The following SLC24A3 variants were observed in gnomAD, a reference collection of about 807,000 sequenced individuals.
SLC24A3 encodes the protein sodium/potassium/calcium exchanger 3.
Under a neutral mutation model 75.8 loss-of-function variants are expected in SLC24A3, and 28 were observed. The ratio of observed to expected loss-of-function variants is 0.37; its 90% confidence interval spans 0.27 to 0.51. The LOEUF (loss-of-function observed/expected upper bound fraction) is 0.51. SLC24A3 is among the 20% of genes least tolerant of loss of function. SLC24A3 has a pLI of 0.94. For missense variants in SLC24A3, 663 were observed against 847.8 expected, an observed-to-expected ratio of 0.78 and a Z score of 2.71; for synonymous variants, 372 against 334.1, an observed-to-expected ratio of 1.11 and a Z score of -1.24.
chr20:19,571,317 C>T (rs2031048370), intron 3 of SLC24A3, among the ~76,000 whole-genome samples: 1 of 152,132 alleles, frequency 6.6e-6, no homozygotes, highest in South Asian at 2.1e-4. Context: ...AGCCTTCATT[C>T]AGAGGGTTTC....
chr20:19,573,186 G>A (rs778768244), intron 3 of SLC24A3, among the ~76,000 whole-genome samples: 11 of 152,176 alleles, frequency 7.2e-5, no homozygotes, highest in Non-Finnish European at 1.6e-4. Context: ...CAGGGTTAAC[G>A]TCCTGCCATT....
chr20:19,499,991 C>T (rs1988361358), intron 2 of SLC24A3, among the ~76,000 whole-genome samples: 1 of 152,190 alleles, frequency 6.6e-6, no homozygotes, highest in African/African-American at 2.4e-5. Flanking sequence ...GTGCTGAATA[C>T]TCCCTGTTAT....
At chr20:19,363,926 G>A (rs1169317628) in intron 2 of SLC24A3, among the ~76,000 whole-genome samples, 1 of 152,082 alleles carries the variant, frequency 6.6e-6, no homozygotes, top group Non-Finnish European at 1.5e-5. Flanking sequence ...AGTGTCTGTG[G>A]GGAGACAGAC....
intron 2 of SLC24A3, among the ~76,000 whole-genome samples, chr20:19,300,326 A>T (rs1984165615): frequency 6.6e-6 from 1 of 152,096 alleles, no homozygotes; most frequent in Non-Finnish European, 1.5e-5. Context: ...CCATGTTGGG[A>T]GGAAGCCCAG....
At chr20:19,379,598 C>G (rs1381101949) in intron 2 of SLC24A3, among the ~76,000 whole-genome samples, 1 of 152,110 alleles carries the variant, frequency 6.6e-6, no homozygotes, top group African/African-American at 2.4e-5. Flanking sequence ...GTGCACACCC[C>G]CAGTTACCTT....
At chr20:19,667,698 G>C (rs2032416253) in intron 8 of SLC24A3, among the ~76,000 whole-genome samples, 1 of 152,190 alleles carries the variant, frequency 6.6e-6, no homozygotes, top group Non-Finnish European at 1.5e-5. Context: ...ATTGCTGTAT[G>C]AAAGCCATGG....
chr20:19,512,639 A>T (rs2029903897), intron 2 of SLC24A3, among the ~76,000 whole-genome samples: 1 of 152,202 alleles, frequency 6.6e-6, no homozygotes, highest in South Asian at 2.1e-4. Flanking sequence ...TCCTTGGTGG[A>T]ACAGATGTGC....
At chr20:19,711,281 G>A (rs1040732949) in intron 15 of SLC24A3, among the ~76,000 whole-genome samples, 2 of 121,566 alleles carry the variant, frequency 1.6e-5, no homozygotes, top group South Asian at 6.1e-4. Context: ...GCAAACATAT[G>A]CATGCAAACA....
chr20:19,301,868 C>A (rs976137526), intron 2 of SLC24A3, among the ~76,000 whole-genome samples: 92 of 152,286 alleles, frequency 6.0e-4, no homozygotes, highest in African/African-American at 2.1e-3. Flanking sequence ...CCTCACTCCG[C>A]CCATGTTTAG....
At chr20:19,628,068 G>C (rs1412743890) in intron 6 of SLC24A3, among the ~76,000 whole-genome samples, 1 of 151,360 alleles carries the variant, frequency 6.6e-6, no homozygotes, top group East Asian at 1.9e-4. Context: ...GCCAGGCATG[G>C]TGGGGCACGC....
intron 6 of SLC24A3, among the ~76,000 whole-genome samples, chr20:19,622,559 G>A (rs934621409): frequency 1.3e-5 from 2 of 152,136 alleles, no homozygotes; most frequent in African/African-American, 4.8e-5. Context: ...AGTCTGTGTC[G>A]ACTTTTGAGA....
At chr20:19,401,012 G>A (rs1307793875) in intron 2 of SLC24A3, among the ~76,000 whole-genome samples, 3 of 152,080 alleles carry the variant, frequency 2.0e-5, no homozygotes, top group South Asian at 4.1e-4. Flanking sequence ...TTTCACCCAT[G>A]TTTCATAAGG....
chr20:19,221,720 C>T (rs56103012), intron 1 of SLC24A3, among the ~76,000 whole-genome samples: 5,883 of 152,206 alleles, frequency 0.039, 161 homozygotes, highest in Non-Finnish European at 0.061. Context: ...TAATCATTTT[C>T]GAAGCCTGTA....
intron 15 of SLC24A3, among the ~76,000 whole-genome samples, chr20:19,714,821 G>A (rs145501750): frequency 6.6e-6 from 1 of 152,340 alleles, no homozygotes; most frequent in African/African-American, 2.4e-5. Context: ...AAAAGCTTTG[G>A]TTTAACAGGA....
chr20:19,551,656 G>C (rs925828984), intron 3 of SLC24A3, among the ~76,000 whole-genome samples: 24 of 152,222 alleles, frequency 1.6e-4, no homozygotes, highest in African/African-American at 5.8e-4. Flanking sequence ...GTGTTGGAGA[G>C]AGTGCCACCC....
chr20:19,498,977 A>G (rs1988343592), intron 2 of SLC24A3, among the ~76,000 whole-genome samples: 1 of 152,204 alleles, frequency 6.6e-6, no homozygotes, highest in Non-Finnish European at 1.5e-5. Flanking sequence ...TGGCAAGACC[A>G]CAGACTTGGA....
intron 3 of SLC24A3, among the ~76,000 whole-genome samples, chr20:19,547,762 T>C (rs183541005): frequency 2.6e-5 from 4 of 152,336 alleles, no homozygotes; most frequent in Admixed American, 6.5e-5. Flanking sequence ...TGCAGTTCCT[T>C]TGATGGTATG....
chr20:19,287,548 C>T (rs1469149099), intron 2 of SLC24A3, among the ~76,000 whole-genome samples: 1 of 152,204 alleles, frequency 6.6e-6, no homozygotes, highest in Admixed American at 6.5e-5. Flanking sequence ...AAGCCAAATA[C>T]CACCATTATA....
intron 6 of SLC24A3, among the ~76,000 whole-genome samples, chr20:19,608,935 T>C (rs1334956909): frequency 1.3e-5 from 2 of 152,186 alleles, no homozygotes; most frequent in African/African-American, 4.8e-5. Flanking sequence ...ACAAACTGAC[T>C]GCAAACTGAA....
Sources: allele counts gnomAD v4.1 joint callset (sites outside exome capture counted in the v4.1 genomes callset), GRCh38; gene constraint gnomAD v4.1.1; transcripts MANE v1.5; gene names NCBI Gene and HGNC (gene_info 2026-07-23, HGNC 2026-07-21).